INSL6: variants seen among roughly 807,000 people sequenced by gnomAD.
INSL6 encodes the protein insulin like 6.
In INSL6, 16 loss-of-function variants were observed where a neutral mutation model predicts 9.4. The observed-to-expected ratio is 1.70, with a 90% CI of 1.15 to 2.59. INSL6 has a LOEUF of 2.59. INSL6 is among the 30% of genes most tolerant of loss of function. The pLI, the probability that INSL6 is intolerant of heterozygous loss-of-function variation, is 0.00. For synonymous variants in INSL6, 154 were observed against 96.9 expected (o/e 1.59, Z -3.46); for missense variants, 391 against 257.3 (o/e 1.52, Z -3.56).
At chr9:5,039,458 T>C in the INSL6 span, among the ~76,000 whole-genome samples, 1 of 152,168 alleles carries the variant, frequency 6.6e-6, no homozygotes, top group Non-Finnish European at 1.5e-5. Context: ...GCAAATACTA[T>C]GCCTTTGTAT....
the INSL6 span, among the ~76,000 whole-genome samples, chr9:5,052,261 T>A: frequency 1.2e-4 from 18 of 152,128 alleles, no homozygotes; most frequent in Admixed American, 3.3e-4. Flanking sequence ...TTCTTCCAGT[T>A]TGAGAATCAT....
the INSL6 span, chr9:5,022,106 A>C: frequency 6.2e-7 from 1 of 1,613,868 alleles, no homozygotes; most frequent in Non-Finnish European, 8.5e-7. Context: ...CCAGTTCTTC[A>C]GGTGTATCTT....
chr9:5,167,718 A>G (rs1334703088), intron 1 of INSL6, among the ~76,000 whole-genome samples: 1 of 152,190 alleles, frequency 6.6e-6, no homozygotes, highest in East Asian at 1.9e-4. Flanking sequence ...TTCTGCCAGC[A>G]CAACACACCT....
chr9:5,012,430 A>G, the INSL6 span, among the ~76,000 whole-genome samples: 1 of 152,008 alleles, frequency 6.6e-6, no homozygotes, highest in African/African-American at 2.4e-5. Flanking sequence ...AGTATAAACT[A>G]CTCTCTCATT....
the INSL6 span, chr9:5,085,474 C>A: frequency 1.4e-6 from 1 of 723,346 alleles, no homozygotes; most frequent in East Asian, 2.7e-5. Flanking sequence ...TTGTGCAAAT[C>A]TCTCATGCTC....
At chr9:5,138,422 G>A (rs979100009) in intron 2 of INSL6, among the ~76,000 whole-genome samples, 15 of 152,184 alleles carry the variant, frequency 9.9e-5, no homozygotes, top group East Asian at 5.8e-4. Flanking sequence ...ATGAGTTCAC[G>A]CCCTTTGCAG....
chr9:5,131,435 A>AATTTTTTT (rs570894386), intron 3 of INSL6, among the ~76,000 whole-genome samples: 2 of 115,858 alleles, frequency 1.7e-5, no homozygotes, highest in Admixed American at 1.8e-4. Flanking sequence ...CCAGTTAACA[A>AATTTTTTT]TTTTTTTTTT....
chr9:5,183,812 T>C (rs1011912347), intron 1 of INSL6, among the ~76,000 whole-genome samples: 3 of 151,008 alleles, frequency 2.0e-5, no homozygotes, highest in Non-Finnish European at 3.0e-5. Flanking sequence ...AACTGGACCT[T>C]GTTACTCAAA....
At chr9:5,122,976 C>G, downstream of INSL6, 3 of 1,430,430 alleles carry the variant, frequency 2.1e-6, no homozygotes, top group Non-Finnish European at 2.9e-6. Context: ...AAGTAACTGT[C>G]TTTTAAATGT....
Position 5,127,537 on chromosome 9 carries a change from G to GTATC in INSL6, c.*11-3030_*11-3027dup, listed in dbSNP as rs1824077395. The GTATC allele has an allele frequency of 1.3e-5, 3 of 231,032 alleles. No individual in the cohort carries two copies. The East Asian group carries it at 1.8e-4, about 14-fold the overall frequency. 14.3% of individuals were successfully genotyped at this position (231,032 alleles called of 1,614,324 possible). A position where few individuals can be genotyped will look rare whatever the true frequency, so the allele number is the denominator to read the frequency against. ...AATCTATTTTATTATGGTTTCCCTT[G>GTATC]TATCTATTTGTGGTGAATGTGTTTT... On this transcript the variant is annotated intron_variant, in intron 3 of 3. Transcript: ENST00000649639.
intron 3 of INSL6, chr9:5,128,288 C>T (rs1824136318): frequency 4.4e-6 from 1 of 226,908 alleles, no homozygotes; most frequent in Non-Finnish European, 8.8e-6. Flanking sequence ...CATTATTATA[C>T]TTAAAGCATT....
the INSL6 span, chr9:5,050,635 C>G: frequency 6.6e-7 from 1 of 1,523,666 alleles, no homozygotes. Flanking sequence ...TAGATTAAAA[C>G]ATGATAATGA....
the INSL6 span, chr9:5,090,517 A>G: frequency 1.3e-5 from 21 of 1,594,642 alleles, no homozygotes; most frequent in Non-Finnish European, 1.8e-5. Context: ...TCAAAAACAT[A>G]AAGAACGGAT....
chr9:5,150,330 T>C (rs1256898604), intron 2 of INSL6, among the ~76,000 whole-genome samples: 1 of 152,134 alleles, frequency 6.6e-6, no homozygotes, highest in Non-Finnish European at 1.5e-5. Context: ...GGAAAAATAT[T>C]TGCAAGCTAT....
intron 2 of INSL6, among the ~76,000 whole-genome samples, chr9:5,141,052 T>C (rs1824486390): frequency 6.6e-6 from 1 of 152,192 alleles, no homozygotes; most frequent in African/African-American, 2.4e-5. Flanking sequence ...CATTCCTTTT[T>C]ATGCTGCATA....
Position 5,176,820 on chromosome 9 carries a change from A to C in INSL6, c.289+8494T>G, listed in dbSNP as rs888876476. ...AATCAACAAACTATTAGAACTATGA[A>C]GATAGTTCAGCATGGTTGCTGGATA... On this transcript the variant is annotated intron_variant, in intron 1 of 1. Transcript: ENST00000381641. Among the ~76,000 whole-genome samples the C allele has an allele frequency of 2.0e-5, 3 of 152,162 alleles. No homozygotes were observed. The East Asian group carries it at 5.8e-4, about 29-fold the overall frequency.
the INSL6 span, among the ~76,000 whole-genome samples, chr9:4,999,765 T>C: frequency 1.3e-5 from 2 of 152,214 alleles, no homozygotes; most frequent in African/African-American, 4.8e-5. Flanking sequence ...ATTTTTAATA[T>C]CTTTATAGTA....
the INSL6 span, chr9:5,066,777 T>C: frequency 1.3e-6 from 2 of 1,544,260 alleles, no homozygotes; most frequent in South Asian, 2.5e-5. Flanking sequence ...ATTTTTTGAC[T>C]TTTGCTGTCG....
chr9:5,041,036 C>G, the INSL6 span: 3 of 676,128 alleles, frequency 4.4e-6, no homozygotes, highest in Non-Finnish European at 5.4e-6. Flanking sequence ...ACCGGTTCTA[C>G]AAGCAGCTCA....
Sources: allele counts gnomAD v4.1 joint callset (sites outside exome capture counted in the v4.1 genomes callset), GRCh38; gene constraint gnomAD v4.1.1; transcripts MANE v1.5; gene names NCBI Gene and HGNC (gene_info 2026-07-23, HGNC 2026-07-21).